Variants in OPCML observed in about 807,000 individuals in gnomAD.
OPCML encodes the protein opioid-binding protein/cell adhesion molecule.
Under a neutral mutation model 37.8 loss-of-function variants are expected in OPCML, and 13 were observed. The ratio of observed to expected loss-of-function variants is 0.34; its 90% CI spans 0.22 to 0.55. OPCML has a LOEUF of 0.55. OPCML is among the 20% of genes least tolerant of loss of function. The probability of loss-of-function intolerance (pLI) is 0.91; values close to 1 mark genes in which losing one functional copy is unlikely to be tolerated. For synonymous variants in OPCML, 176 were observed against 168.8 expected, an observed-to-expected ratio of 1.04 and a Z score of -0.33; for missense variants, 341 against 435.6, an observed-to-expected ratio of 0.78 and a Z score of 1.93.
At chr11:132,464,695 G>T (rs377130225) in intron 4 of OPCML, among the ~76,000 whole-genome samples, 2 of 152,004 alleles carry the variant, frequency 1.3e-5, no homozygotes, top group African/African-American at 4.8e-5. Flanking sequence ...TTAACGCCAC[G>T]CAGAGTAAGC....
intron 1 of OPCML, among the ~76,000 whole-genome samples, chr11:133,338,964 TC>T (rs1443459685): frequency 1.3e-5 from 2 of 152,176 alleles, no homozygotes; most frequent in Admixed American, 6.5e-5. Flanking sequence ...GTTCCTGTTG[TC>T]CCTGCCCAGG....
At chr11:133,207,215 G>A (rs1248900154) in intron 1 of OPCML, among the ~76,000 whole-genome samples, 3 of 151,926 alleles carry the variant, frequency 2.0e-5, no homozygotes, top group Non-Finnish European at 4.4e-5. Flanking sequence ...CAGGAGAATG[G>A]CGTGAACCCA....
intron 4 of OPCML, among the ~76,000 whole-genome samples, chr11:132,518,716 C>T (rs373612483): frequency 3.9e-5 from 6 of 152,166 alleles, no homozygotes; most frequent in African/African-American, 1.2e-4. Flanking sequence ...CAGCAGCTAC[C>T]ACACTGTGAG....
At chr11:132,909,321 T>C (rs1944348154) in intron 2 of OPCML, among the ~76,000 whole-genome samples, 1 of 152,198 alleles carries the variant, frequency 6.6e-6, no homozygotes, top group Non-Finnish European at 1.5e-5. Context: ...GTCAAAATAC[T>C]TGGATGTGTT....
intron 1 of OPCML, among the ~76,000 whole-genome samples, chr11:133,055,810 C>A (rs1431880105): frequency 3.4e-5 from 5 of 147,468 alleles, no homozygotes; most frequent in East Asian, 4.1e-4. Context: ...CTCCATGATA[C>A]TTCCAAGTGG....
At chr11:132,459,436 C>T (rs1592206875) in intron 4 of OPCML, among the ~76,000 whole-genome samples, 1 of 149,762 alleles carries the variant, frequency 6.7e-6, no homozygotes, top group African/African-American at 2.5e-5. Context: ...TACATACATA[C>T]ATACATACAT....
At chr11:132,691,397 G>T (rs1233259652) in intron 2 of OPCML, among the ~76,000 whole-genome samples, 2 of 152,126 alleles carry the variant, frequency 1.3e-5, no homozygotes, top group African/African-American at 4.8e-5. Flanking sequence ...ATGGTCTCTT[G>T]GTTTTCACAA....
intron 2 of OPCML, among the ~76,000 whole-genome samples, chr11:132,801,295 G>A (rs577960728): frequency 1.3e-5 from 2 of 152,102 alleles, no homozygotes; most frequent in Admixed American, 6.6e-5. Context: ...TCTAGCTAAA[G>A]GCTTGTCAAT....
At chr11:133,041,886 C>T (rs1308093111) in intron 1 of OPCML, among the ~76,000 whole-genome samples, 2 of 152,136 alleles carry the variant, frequency 1.3e-5, no homozygotes, top group African/African-American at 4.8e-5. Flanking sequence ...GCTTAGAGCC[C>T]TCAAGAAGGC....
chr11:133,093,422 C>A (rs774719053), intron 1 of OPCML, among the ~76,000 whole-genome samples: 2 of 152,104 alleles, frequency 1.3e-5, no homozygotes, highest in Non-Finnish European at 2.9e-5. Flanking sequence ...TTAAGCCCCG[C>A]GTACATTAGG....
intron 1 of OPCML, among the ~76,000 whole-genome samples, chr11:133,377,149 T>C (rs145394751): frequency 6.6e-6 from 1 of 152,214 alleles, no homozygotes; most frequent in East Asian, 1.9e-4. Flanking sequence ...TCCTAACAGG[T>C]TGACGTGCTG....
intron 3 of OPCML, among the ~76,000 whole-genome samples, chr11:132,553,288 C>T (rs186669182): frequency 2.6e-5 from 4 of 152,200 alleles, no homozygotes; most frequent in Non-Finnish European, 5.9e-5. Flanking sequence ...TGGATCAGAA[C>T]TGAATGGTGG....
intron 2 of OPCML, among the ~76,000 whole-genome samples, chr11:132,707,614 T>C (rs1031306032): frequency 6.6e-6 from 1 of 152,216 alleles, no homozygotes; most frequent in African/African-American, 2.4e-5. Context: ...CAAAGGGGCA[T>C]TGTTTTAACC....
intron 1 of OPCML, among the ~76,000 whole-genome samples, chr11:133,354,318 G>GTGGTGATAGTGATGA: frequency 9.1e-6 from 1 of 109,724 alleles, no homozygotes; most frequent in African/African-American, 3.7e-5. Flanking sequence ...GTTGGTAGTG[G>GTGGTGATAGTGATGA]TGGTGGTGGT....
chr11:133,377,396 C>G (rs1944828921), intron 1 of OPCML, among the ~76,000 whole-genome samples: 1 of 151,872 alleles, frequency 6.6e-6, no homozygotes, highest in Non-Finnish European at 1.5e-5. Flanking sequence ...AACATTTTGC[C>G]AGTCTGCTGT....
intron 1 of OPCML, among the ~76,000 whole-genome samples, chr11:133,431,784 A>G (rs1336264374): frequency 6.8e-6 from 1 of 148,018 alleles, no homozygotes; most frequent in African/African-American, 2.5e-5. Flanking sequence ...TTTATTTTAT[A>G]TATATATATA....
At chr11:133,304,177 T>C (rs932578522) in intron 1 of OPCML, among the ~76,000 whole-genome samples, 1 of 152,222 alleles carries the variant, frequency 6.6e-6, no homozygotes, top group Non-Finnish European at 1.5e-5. Flanking sequence ...CCAACAGCTC[T>C]AGCATGGGTA....
intron 1 of OPCML, among the ~76,000 whole-genome samples, chr11:133,223,981 GC>G (rs1215182236): frequency 2.0e-5 from 3 of 152,186 alleles, no homozygotes; most frequent in African/African-American, 7.2e-5. Context: ...CCTGGTTTTG[GC>G]CCGAGTGTAT....
intron 3 of OPCML, among the ~76,000 whole-genome samples, chr11:132,586,647 T>C (rs2096473320): frequency 6.6e-6 from 1 of 152,238 alleles, no homozygotes; most frequent in Non-Finnish European, 1.5e-5. Flanking sequence ...GGACACAGAC[T>C]GCCTGGACAC....
Sources: gnomAD v4.1 joint callset for allele counts (sites outside exome capture counted in the v4.1 genomes callset) on GRCh38, gnomAD v4.1.1 for gene constraint, MANE v1.5 for transcripts, NCBI Gene and HGNC (gene_info 2026-07-23, HGNC 2026-07-21) for gene names.